Variants in MAST4 observed in about 807,000 individuals in gnomAD.
The protein encoded by MAST4 is microtubule associated serine/threonine kinase family member 4, also known as microtubule-associated serine/threonine-protein kinase 4.
A neutral mutation model predicts 162.7 loss-of-function variants in MAST4; 89 were observed. The observed-to-expected ratio is 0.55, with a 90% CI of 0.46 to 0.65. The LOEUF (loss-of-function observed/expected upper bound fraction) is 0.65, where lower values mean the gene tolerates loss of function less well. Among genes scored for constraint, MAST4 ranks in the 30% least tolerant of loss-of-function variants. The pLI is 0.00. For synonymous variants in MAST4, 1,479 were observed against 1,361.1 expected (o/e 1.09, Z -1.91); for missense variants, 3,153 against 3,374.0 (o/e 0.93, Z 1.62).
intron 4 of MAST4, among the ~76,000 whole-genome samples, chr5:66,954,940 C>A (rs1381769161): frequency 6.6e-6 from 1 of 150,976 alleles, no homozygotes. Flanking sequence ...CTGGCTTATG[C>A]CTGTAATCCT....
intron 1 of MAST4, among the ~76,000 whole-genome samples, chr5:66,695,315 G>A (rs1336626588): frequency 7.9e-5 from 12 of 152,066 alleles, no homozygotes; most frequent in South Asian, 2.1e-4. Context: ...GCCGAAGATC[G>A]GATGGTTGTA....
intron 1 of MAST4, among the ~76,000 whole-genome samples, chr5:66,615,160 G>C (rs751040907): frequency 9.2e-5 from 14 of 152,082 alleles, no homozygotes; most frequent in Non-Finnish European, 1.3e-4. Context: ...TGTTTGTTTT[G>C]AGGGAAGAGA....
chr5:66,837,914 T>A (rs1758137856), intron 3 of MAST4, among the ~76,000 whole-genome samples: 1 of 128,458 alleles, frequency 7.8e-6, no homozygotes, highest in African/African-American at 2.9e-5. Flanking sequence ...TTTTTTTTTT[T>A]TTTAATGTGG....
intron 15 of MAST4, among the ~76,000 whole-genome samples, chr5:67,130,869 G>C (rs1768886434): frequency 6.6e-6 from 1 of 152,066 alleles, no homozygotes; most frequent in South Asian, 2.1e-4. Context: ...CCGATTTTTA[G>C]CTTTTTTTTC....
chr5:66,616,637 C>G (rs1399730247), intron 1 of MAST4, among the ~76,000 whole-genome samples: 1 of 152,136 alleles, frequency 6.6e-6, no homozygotes, highest in African/African-American at 2.4e-5. Flanking sequence ...TGTAGAACCC[C>G]CAAGCAGCCA....
chr5:66,833,220 G>C (rs2149763924), intron 3 of MAST4, among the ~76,000 whole-genome samples: 1 of 152,146 alleles, frequency 6.6e-6, no homozygotes, highest in Admixed American at 6.6e-5. Context: ...TCTGTATTTT[G>C]GTCAGTGAAA....
intron 4 of MAST4, among the ~76,000 whole-genome samples, chr5:67,007,053 C>T (rs781751959): frequency 6.6e-6 from 1 of 152,158 alleles, no homozygotes; most frequent in African/African-American, 2.4e-5. Flanking sequence ...TTGTCTGTCT[C>T]AAAGGGCTAG....
At chr5:66,882,256 G>A (rs935458225) in intron 3 of MAST4, among the ~76,000 whole-genome samples, 1 of 152,130 alleles carries the variant, frequency 6.6e-6, no homozygotes, top group South Asian at 2.1e-4. Context: ...TGAGCCTCTA[G>A]GGTATGTGGA....
intron 5 of MAST4, among the ~76,000 whole-genome samples, chr5:67,061,626 T>C (rs777483598): frequency 2.6e-5 from 4 of 152,058 alleles, no homozygotes; most frequent in Non-Finnish European, 5.9e-5. Context: ...TGTTGTTATG[T>C]ATAGTTGTAC....
At chr5:66,606,819 G>A (rs564461441) in intron 1 of MAST4, among the ~76,000 whole-genome samples, 93 of 152,000 alleles carry the variant, frequency 6.1e-4, no homozygotes, top group African/African-American at 2.2e-3. Flanking sequence ...GACATAATGT[G>A]TGGCGAAGCA....
At chr5:67,102,047 T>C (rs1765088757) in intron 8 of MAST4, among the ~76,000 whole-genome samples, 1 of 150,902 alleles carries the variant, frequency 6.6e-6, no homozygotes, top group Admixed American at 6.6e-5. Flanking sequence ...TGGATCTCAA[T>C]TATGACACCT....
chr5:66,954,784 C>A (rs539799106), intron 4 of MAST4, among the ~76,000 whole-genome samples: 64 of 151,902 alleles, frequency 4.2e-4, no homozygotes, highest in Non-Finnish European at 7.6e-4. Context: ...GCCTGTAGTT[C>A]CAGCTACTCA....
intron 1 of MAST4, among the ~76,000 whole-genome samples, chr5:66,638,375 TAA>T (rs1400967471): frequency 1.3e-5 from 2 of 152,194 alleles, no homozygotes; most frequent in African/African-American, 4.8e-5. Context: ...AAGTCAATGA[TAA>T]AATGCCTCTC....
intron 4 of MAST4, among the ~76,000 whole-genome samples, chr5:67,051,622 T>A (rs1758194493): frequency 6.6e-6 from 1 of 152,102 alleles, no homozygotes; most frequent in Admixed American, 6.5e-5. Flanking sequence ...GGATGACTCT[T>A]CCTTCCTGTA....
chr5:66,845,608 A>G (rs893046421), intron 3 of MAST4, among the ~76,000 whole-genome samples: 1 of 152,186 alleles, frequency 6.6e-6, no homozygotes, highest in African/African-American at 2.4e-5. Context: ...AGCATGATTT[A>G]TAATCCTTTG....
chr5:66,716,464 G>C (rs570544920), intron 1 of MAST4, among the ~76,000 whole-genome samples: 1 of 151,922 alleles, frequency 6.6e-6, no homozygotes, highest in South Asian at 2.1e-4. Context: ...TCCTATGTCA[G>C]CCTCCCGAGT....
At chr5:67,079,307 A>T (rs1309942067) in intron 5 of MAST4, among the ~76,000 whole-genome samples, 1 of 152,156 alleles carries the variant, frequency 6.6e-6, no homozygotes, top group African/African-American at 2.4e-5. Context: ...AGATGGGCTA[A>T]CACAGAAAGT....
At chr5:66,869,581 A>T (rs1760776191) in intron 3 of MAST4, among the ~76,000 whole-genome samples, 1 of 152,236 alleles carries the variant, frequency 6.6e-6, no homozygotes, top group Non-Finnish European at 1.5e-5. Flanking sequence ...TTTGAAAGGT[A>T]AGCATTATAC....
chr5:66,918,664 CAAATAA>C (rs1764271380), intron 4 of MAST4, among the ~76,000 whole-genome samples: 1 of 129,740 alleles, frequency 7.7e-6, no homozygotes, highest in African/African-American at 2.6e-5. Flanking sequence ...TTTTAGCTTA[CAAATAA>C]AGACAAACAA....
Sources: gnomAD v4.1 joint callset for allele counts (sites outside exome capture counted in the v4.1 genomes callset) on GRCh38, gnomAD v4.1.1 for gene constraint, MANE v1.5 for transcripts, NCBI Gene and HGNC (gene_info 2026-07-23, HGNC 2026-07-21) for gene names.